SLC4A5: variants seen among roughly 807,000 people sequenced by gnomAD.
SLC4A5 encodes solute carrier family 4 member 5.
A neutral mutation model predicts 120.4 loss-of-function variants in SLC4A5; 96 were observed. That is an observed-to-expected ratio of 0.80 (90% CI 0.68 to 0.94). SLC4A5 has a LOEUF of 0.94. Ranked by LOEUF, SLC4A5 falls within the 40% of genes least tolerant of loss-of-function variation. SLC4A5 has a pLI of 0.00. For missense variants in SLC4A5, 1,259 were observed against 1,459.5 expected (o/e 0.86, Z 2.24); for synonymous variants, 550 against 571.1 (o/e 0.96, Z 0.53).
At chr2:74,272,896 A>G (rs1671520519) in intron 8 of SLC4A5, among the ~76,000 whole-genome samples, 1 of 152,272 alleles carries the variant, frequency 6.6e-6, no homozygotes, top group Non-Finnish European at 1.5e-5. Context: ...TTCTCCTTCA[A>G]GGAGGATCTG....
intron 5 of SLC4A5, among the ~76,000 whole-genome samples, chr2:74,324,052 C>G (rs1673156516): frequency 6.6e-6 from 1 of 152,088 alleles, no homozygotes; most frequent in African/African-American, 2.4e-5. Flanking sequence ...TAAATTATAG[C>G]TTTTTTATTT....
At chr2:74,317,644 G>T (rs1437239480) in intron 5 of SLC4A5, among the ~76,000 whole-genome samples, 1 of 152,112 alleles carries the variant, frequency 6.6e-6, no homozygotes, top group Non-Finnish European at 1.5e-5. Context: ...CTGGACAGCT[G>T]AGGGCAAAAA....
chr2:74,263,351 G>A (rs185877464), intron 10 of SLC4A5, among the ~76,000 whole-genome samples: 12 of 152,326 alleles, frequency 7.9e-5, no homozygotes, highest in Non-Finnish European at 1.6e-4. Context: ...CTCTCAAAGT[G>A]CTGGGATTAC....
chr2:74,271,199 T>C (rs1156321272), intron 8 of SLC4A5, among the ~76,000 whole-genome samples: 2 of 152,146 alleles, frequency 1.3e-5, no homozygotes, highest in African/African-American at 2.4e-5. Flanking sequence ...TCCTCTTTCC[T>C]CTCTGTTTTC....
At chr2:74,341,284 G>A (rs1289035192) in intron 2 of SLC4A5, among the ~76,000 whole-genome samples, 9 of 131,652 alleles carry the variant, frequency 6.8e-5, no homozygotes, top group East Asian at 2.4e-4. Flanking sequence ...CCAGCCTAGC[G>A]ACAGAGCGAG....
Position 74,254,965 on chromosome 2 carries a change from G to A in SLC4A5, c.1026-259C>T, listed in dbSNP as rs773590459. ...CTCCTGAGTAGCTGGGACTACAGGCGTGTACCACCAAGCCCGGCTAATTTT... is the reference window on the plus strand; with the variant it reads ...CTCCTGAGTAGCTGGGACTACAGGCATGTACCACCAAGCCCGGCTAATTTT... On this transcript the variant is annotated intron_variant, in intron 13 of 30. Coordinates refer to ENST00000394019, the Ensembl canonical transcript of SLC4A5. Among the ~76,000 whole-genome samples the A allele has an allele frequency of 1.2e-3, 183 of 152,006 alleles. 1 individual carries two copies. Among genetic ancestry groups the A allele is most frequent in the Middle Eastern group, 3.4e-3 (1 of 294 alleles).
At chr2:74,262,344 C>A in intron 10 of SLC4A5, 112 bp from the exon 11 acceptor site, 1 of 617,038 alleles carries the variant, frequency 1.6e-6, no homozygotes, top group Non-Finnish European at 2.8e-6. Context: ...CATGTCTCTT[C>A]CCCTTCTGGG....
At chr2:74,330,468 T>C (rs985469502) in intron 4 of SLC4A5, among the ~76,000 whole-genome samples, 1 of 147,410 alleles carries the variant, frequency 6.8e-6, no homozygotes. Context: ...TGGTGAGATA[T>C]AGGTGAGGGT....
intron 20 of SLC4A5, 63 bp downstream of exon 20, chr2:74,241,931 C>G (rs1370066015): frequency 6.5e-7 from 1 of 1,528,962 alleles, no homozygotes; most frequent in African/African-American, 1.4e-5. Context: ...TTTCCAAAAT[C>G]TTTTCTCCCT....
At chr2:74,237,702 C>A (rs921128706) in intron 21 of SLC4A5, among the ~76,000 whole-genome samples, 6 of 152,088 alleles carry the variant, frequency 3.9e-5, no homozygotes, top group African/African-American at 2.4e-5. Flanking sequence ...TGCTTAAATT[C>A]TTCCGAGTAC....
intron 7 of SLC4A5, among the ~76,000 whole-genome samples, chr2:74,293,680 T>A (rs1187595838): frequency 6.6e-6 from 1 of 152,238 alleles, no homozygotes; most frequent in African/African-American, 2.4e-5. Context: ...TTCGTTTTGC[T>A]TTGGGACTGT....
chr2:74,267,308 A>C (rs1158014862), intron 8 of SLC4A5, among the ~76,000 whole-genome samples: 1 of 152,204 alleles, frequency 6.6e-6, no homozygotes, highest in Non-Finnish European at 1.5e-5. Flanking sequence ...AAACGATCAC[A>C]GGAATATAAT....
intron 5 of SLC4A5, among the ~76,000 whole-genome samples, chr2:74,322,580 G>A (rs908422709): frequency 1.3e-5 from 2 of 152,054 alleles, no homozygotes; most frequent in Non-Finnish European, 2.9e-5. Context: ...GATATGAAAC[G>A]AATATGATAA....
intron 5 of SLC4A5, among the ~76,000 whole-genome samples, chr2:74,316,134 T>G (rs544213176): frequency 2.6e-5 from 4 of 152,002 alleles, no homozygotes; most frequent in Admixed American, 2.0e-4. Flanking sequence ...TCTGGAACTA[T>G]AGCCCTCAGC....
intron 8 of SLC4A5, among the ~76,000 whole-genome samples, chr2:74,273,028 T>C (rs1203787738): frequency 2.0e-5 from 3 of 152,202 alleles, no homozygotes; most frequent in Non-Finnish European, 4.4e-5. Flanking sequence ...TGCATTAGGA[T>C]CATCTGGGAG....
intron 8 of SLC4A5, among the ~76,000 whole-genome samples, chr2:74,273,603 G>A (rs1671543203): frequency 6.6e-6 from 1 of 152,162 alleles, no homozygotes; most frequent in Non-Finnish European, 1.5e-5. Flanking sequence ...CCTAAGGCCT[G>A]TAATACATTT....
At chr2:74,226,856 G>A in intron 27 of SLC4A5, 101 bp downstream of exon 27, 1 of 1,391,786 alleles carries the variant, frequency 7.2e-7, no homozygotes, top group Non-Finnish European at 9.9e-7. Flanking sequence ...GGCCACAGCT[G>A]ACAGGAAGGC....
At chr2:74,315,118 G>T (rs1672925927) in intron 5 of SLC4A5, 93 bp from the exon 6 acceptor site, 3 of 1,061,552 alleles carry the variant, frequency 2.8e-6, no homozygotes, top group South Asian at 2.5e-5. Context: ...CATAATGGGA[G>T]ATTTTAATAC....
At chr2:74,307,871 G>A in intron 6 of SLC4A5, 1 of 483,368 alleles carries the variant, frequency 2.1e-6, no homozygotes, top group South Asian at 1.7e-5. Context: ...AGGACACAGA[G>A]ATCCAGGAAC....
Sources: gnomAD v4.1 joint callset for allele counts (sites outside exome capture counted in the v4.1 genomes callset) on GRCh38, gnomAD v4.1.1 for gene constraint, MANE v1.5 for transcripts, NCBI Gene and HGNC (gene_info 2026-07-23, HGNC 2026-07-21) for gene names.